The following AACS variants were observed in gnomAD, a reference collection of about 807,000 sequenced individuals.
AACS encodes acetoacetyl-CoA synthetase, also known as acetoacetate-CoA ligase.
AACS carries 69 observed loss-of-function variants against 83.1 expected under a neutral mutation model. The observed-to-expected ratio is 0.83, with a 90% CI of 0.68 to 1.01. The LOEUF (loss-of-function observed/expected upper bound fraction) is 1.01. AACS is among the 50% of genes least tolerant of loss of function. The pLI, the probability that AACS is intolerant of heterozygous loss-of-function variation, is 0.00. For synonymous variants in AACS, 333 were observed against 343.4 expected (o/e 0.97, Z 0.33); for missense variants, 866 against 882.2 (o/e 0.98, Z 0.23).
chr12:125,097,960 G>A lies in AACS; in HGVS notation c.571-4719G>A, dbSNP rs1027509377. On this transcript the variant is annotated intron_variant, in intron 5 of 17. Coordinates refer to ENST00000316519, the MANE Select transcript of AACS (RefSeq NM_023928.5). The surrounding 1 kb of genome is among the most constrained non-coding windows in gnomAD (Gnocchi z 4.3). ...CCGGCTAGGCACTGCCATCTCTCAC[G>A]CGTGCCGTCGTAGTAGCTTCCGACC... Among the ~76,000 whole-genome samples the A allele has an allele frequency of 2.0e-5, 3 of 152,180 alleles. No individual in the cohort carries two copies. The highest frequency in any genetic ancestry group is 2.9e-5 in the Non-Finnish European group (2 of 68,038).
intron 8 of AACS, among the ~76,000 whole-genome samples, chr12:125,108,204 G>C (rs1053583021): frequency 6.6e-6 from 1 of 152,208 alleles, no homozygotes; most frequent in East Asian, 1.9e-4. Context: ...GAGCCTGCCC[G>C]TGCTGCGAGT....
At chr12:125,122,764 G>A (rs1359277943) in intron 10 of AACS, 2 of 152,186 alleles carry the variant, frequency 1.3e-5, no homozygotes, top group Non-Finnish European at 2.9e-5. Flanking sequence ...GGCGACCCTG[G>A]AGGGGCTGCC....
chr12:125,137,703 A>G (rs1447636830), intron 17 of AACS, among the ~76,000 whole-genome samples: 1 of 152,180 alleles, frequency 6.6e-6, no homozygotes, highest in Non-Finnish European at 1.5e-5. Flanking sequence ...ATTGCTTACA[A>G]AACGGATACC....
In AACS at chr12:125,129,395, C is replaced by T. The variant is rs1439625569; in HGVS notation, c.1484C>T (p.Pro495Leu). ...LVCTKPIPCQ[P>L]THFWNDENGN... Reference sequence around the variant, plus strand: ...TGTACTAAGCCGATCCCTTGCCAGCCCACACACTTCTGGAACGATGAGAAC... The same window carrying T: ...TGTACTAAGCCGATCCCTTGCCAGCTCACACACTTCTGGAACGATGAGAAC... The change falls in exon 14 of 18, where the codon CCC becomes CTC. Residue 495 changes from proline (P) to leucine (L), a missense_variant. By Grantham distance (98) the Pro-to-Leu change is moderately conservative. Transcript: ENST00000316519. This position sits in a 1 kb window ranked among gnomAD's most constrained non-coding sequence, Gnocchi z 4.3. The T allele has an allele frequency of 6.2e-7, 1 of 1,613,886 alleles. No homozygotes were observed. Among genetic ancestry groups the T allele is most frequent in the East Asian group, 2.2e-5 (1 of 44,868 alleles).
Position 125,102,718 on chromosome 12 carries a change from A to C in AACS, c.610A>C (p.Ile204Leu). 6.2e-7 allele frequency: 1 copy of C among 1,614,014 alleles called. No homozygotes were observed. Among genetic ancestry groups the C allele is most frequent in the Non-Finnish European group, 8.5e-7 (1 of 1,179,994 alleles). The change falls in exon 6 of 18, where the codon ATC becomes CTC. Residue 204 changes from isoleucine (I) to leucine (L), a missense_variant. Transcript: ENST00000316519. ...GTTTTCTCAAATTCAGCCAAAGCTC[A>C]TCTTCTCTGTGGAGGCTGTTGTCTA... ...DRFSQIQPKL[I>L]FSVEAVVYNG... is the part of the protein sequence containing the mutation.
rs1023544342 is a variant in AACS at position 125,097,062 on chromosome 12, G to T, written c.570+5539G>T. ...TGTTCTTCTGATGGATTTGGGCAGGGTGTATGTTAGCATCAGACGCAAGGA... is the reference window on the plus strand; with the variant it reads ...TGTTCTTCTGATGGATTTGGGCAGGTTGTATGTTAGCATCAGACGCAAGGA... On this transcript the variant is annotated intron_variant, in intron 5 of 17. Transcript: ENST00000316519. This position sits in a 1 kb window ranked among gnomAD's most constrained non-coding sequence, Gnocchi z 4.3. Among the ~76,000 whole-genome samples, 6 of 152,152 alleles carry T rather than the reference G, an allele frequency of 3.9e-5. No homozygotes were observed. The highest frequency in any genetic ancestry group is 5.9e-5 in the Non-Finnish European group (4 of 68,022).
chr12:125,111,471 G>A (rs1384803094), intron 8 of AACS, among the ~76,000 whole-genome samples: 1 of 152,190 alleles, frequency 6.6e-6, no homozygotes, highest in African/African-American at 2.4e-5. Flanking sequence ...AAATGATCAT[G>A]CCTGGTATAT....
intron 5 of AACS, chr12:125,092,431 G>A (rs1429728729): frequency 6.6e-6 from 1 of 152,366 alleles, no homozygotes; most frequent in Non-Finnish European, 1.5e-5. Flanking sequence ...TAGAAATCAT[G>A]TCTACTTAGA....
intron 5 of AACS, among the ~76,000 whole-genome samples, chr12:125,091,869 A>G (rs559752380): frequency 1.5e-4 from 23 of 152,288 alleles, no homozygotes; most frequent in African/African-American, 5.3e-4. Context: ...TCCTCTGAAG[A>G]GAGTTCTCTA....
intron 17 of AACS, chr12:125,138,588 G>C (rs1020258485): frequency 2.4e-4 from 37 of 152,300 alleles, no homozygotes; most frequent in African/African-American, 7.9e-4. Flanking sequence ...AACCATATTT[G>C]ATCACGAGAG....
Position 125,129,287 on chromosome 12 carries a change from G to C in AACS, c.1424-48G>C, listed in dbSNP as rs745965532. ...AGAAAGAGAGAGAGACAGCCAGGGT[G>C]TGTGGCTGTGGTGTGTGTTGGGCTT... On this transcript the variant is annotated intron_variant, in intron 13 of 17. Transcript: ENST00000316519. The surrounding 1 kb of genome is among the most constrained non-coding windows in gnomAD (Gnocchi z 4.3). The C allele has an allele frequency of 6.4e-7, 1 of 1,574,532 alleles. No individual in the cohort carries two copies. Among genetic ancestry groups the C allele is most frequent in the African/African-American group, 1.4e-5 (1 of 73,324 alleles).
At chr12:125,083,917 G>A (rs562582874) in intron 3 of AACS, among the ~76,000 whole-genome samples, 1 of 151,974 alleles carries the variant, frequency 6.6e-6, no homozygotes, top group African/African-American at 2.4e-5. Context: ...GCCTCCCAAA[G>A]TGCTGGGATT....
intron 4 of AACS, among the ~76,000 whole-genome samples, chr12:125,090,112 C>T (rs554179507): frequency 1.5e-5 from 2 of 136,608 alleles, no homozygotes; most frequent in Admixed American, 1.5e-4. Flanking sequence ...ACCCATTGAT[C>T]CATCCATCTT....
At chr12:125,119,971 C>T (rs532746876) in intron 10 of AACS, 1 of 152,360 alleles carries the variant, frequency 6.6e-6, no homozygotes, top group East Asian at 1.9e-4. Context: ...TCTTCCTCAC[C>T]TCATCATAAC....
In AACS at chr12:125,068,295, G is replaced by A. The variant is rs905924407; in HGVS notation, c.133+2578G>A. Among the ~76,000 whole-genome samples, 3 of 152,088 alleles carry A rather than the reference G, an allele frequency of 2.0e-5. No homozygotes were observed. The South Asian group carries it at 6.2e-4, about 32-fold the overall frequency. ...AACATGGTGAAACCCCCATCTCTACGAAAAATACAAAAAATTATCTGGGTG... is the reference window on the plus strand; with the variant it reads ...AACATGGTGAAACCCCCATCTCTACAAAAAATACAAAAAATTATCTGGGTG... On this transcript the variant is annotated intron_variant, in intron 1 of 17. Coordinates refer to ENST00000316519, the MANE Select transcript of AACS (RefSeq NM_023928.5).
chr12:125,136,670 T>G lies in AACS; in HGVS notation c.1687T>G (p.Phe563Val). Residue 563 changes from phenylalanine to valine, a missense_variant, in exon 17 of 18, where the codon TTC (phenylalanine) becomes GTC (valine). By Grantham distance (50) the Phe-to-Val change is conservative (BLOSUM62 -1). Transcript: ENST00000316519. ...SSEIYNIVES[F>V]EEVEDSLCVP... is the part of the protein sequence containing the mutation. ...CTCTCCTGTCTCCACAGTGGAATCC[T>G]TCGAGGAGGTGGAGGACAGCCTGTG... 1 of 1,613,638 alleles carries G rather than the reference T, an allele frequency of 6.2e-7. No homozygotes were observed. Among genetic ancestry groups the G allele is most frequent in the Non-Finnish European group, 8.5e-7 (1 of 1,179,954 alleles).
rs1358102901 is a variant in AACS at position 125,129,475 on chromosome 12, T to C, written c.1549+15T>C. 6.2e-7 allele frequency: 1 copy of C among 1,611,786 alleles called. No homozygotes were observed. Among genetic ancestry groups the C allele is most frequent in the Non-Finnish European group, 8.5e-7 (1 of 1,178,770 alleles). ...CAAATTCCCAGGTCGGTTGGAGAGA[T>C]GCAGACAGAGCTGGCCAGCCTCTGC... On this transcript the variant is annotated intron_variant, in intron 14 of 17. Transcript: ENST00000316519. This position sits in a 1 kb window ranked among gnomAD's most constrained non-coding sequence, Gnocchi z 4.3.
intron 14 of AACS, among the ~76,000 whole-genome samples, chr12:125,133,284 C>A (rs1408939876): frequency 3.9e-5 from 6 of 152,162 alleles, no homozygotes; most frequent in Non-Finnish European, 7.4e-5. Context: ...GCCAAGGAAC[C>A]TCTCTCCTTA....
intron 14 of AACS, among the ~76,000 whole-genome samples, chr12:125,133,531 C>T (rs1000707318): frequency 1.3e-5 from 2 of 152,348 alleles, no homozygotes; most frequent in East Asian, 1.9e-4. Context: ...CTACATGACT[C>T]GGACTGGTGC....
Sources: gnomAD v4.1 joint callset for allele counts (sites outside exome capture counted in the v4.1 genomes callset) on GRCh38, gnomAD v4.1.1 for gene constraint, Gnocchi (gnomAD v3.1) non-coding constraint, MANE v1.5 for transcripts, NCBI Gene and HGNC (gene_info 2026-07-23, HGNC 2026-07-21) for gene names.